HS6ST2: variants seen among roughly 807,000 people sequenced by gnomAD.
The protein encoded by HS6ST2 is heparan-sulfate 6-O-sulfotransferase 2.
HS6ST2 carries 17 observed loss-of-function variants against 33.0 expected under a neutral mutation model. The ratio of observed to expected loss-of-function variants is 0.52; its 90% CI spans 0.35 to 0.77. The LOEUF is 0.77. Among genes scored for constraint, HS6ST2 ranks in the 30% least tolerant of loss-of-function variants. The pLI is 0.01. For missense variants in HS6ST2, 519 were observed against 551.7 expected, an observed-to-expected ratio of 0.94 and a Z score of 0.59; for synonymous variants, 248 against 237.1, an observed-to-expected ratio of 1.05 and a Z score of -0.42.
chrX:132,682,438 A>G (rs958898504), intron 3 of HS6ST2, among the ~76,000 whole-genome samples: 2 of 111,808 alleles, frequency 1.8e-5, no homozygotes, highest in African/African-American at 6.5e-5. Context: ...TAGAGTTGGC[A>G]TATAAGGGAA....
upstream of HS6ST2, among the ~76,000 whole-genome samples, chrX:132,960,392 C>T (rs768018837): frequency 9.0e-6 from 1 of 110,978 alleles, no homozygotes; most frequent in Non-Finnish European, 1.9e-5. Context: ...GCCATTACAC[C>T]ACCTTTGTAT....
chrX:132,854,088 C>G (rs1186863607), intron 2 of HS6ST2, among the ~76,000 whole-genome samples: 6 of 111,279 alleles, frequency 5.4e-5, no homozygotes, highest in African/African-American at 1.6e-4. Context: ...ACCATATTCC[C>G]CATTTGGAAA....
intron 2 of HS6ST2, among the ~76,000 whole-genome samples, chrX:132,954,060 C>G (rs947187108): frequency 4.4e-5 from 5 of 112,372 alleles, no homozygotes; most frequent in Non-Finnish European, 5.6e-5. Flanking sequence ...TCATTCTCAT[C>G]TGATAAATGG....
chrX:132,811,336 T>G (rs1238907208), intron 2 of HS6ST2, among the ~76,000 whole-genome samples: 1 of 110,714 alleles, frequency 9.0e-6, no homozygotes, highest in Non-Finnish European at 1.9e-5. Context: ...CTAGAAAGTT[T>G]TTTTTTAATG....
At chrX:132,700,624 A>G (rs1038193733) in intron 3 of HS6ST2, among the ~76,000 whole-genome samples, 5 of 109,751 alleles carry the variant, frequency 4.6e-5, no homozygotes, top group Non-Finnish European at 7.6e-5. Context: ...ATGAAAAACC[A>G]TACAGAATAG....
In HS6ST2 at chrX:132,628,935, T is replaced by C. The variant is rs772058407; in HGVS notation, c.1226A>G (p.Asp409Gly). 24 of 1,209,505 alleles carry C rather than the reference T, an allele frequency of 2.0e-5. No homozygotes were observed. The Admixed American group carries it at 3.9e-4, about 20-fold the overall frequency. The change falls in exon 5 of 5, where the codon GAC becomes GGC. Residue 409 changes from aspartate to glycine, a missense_variant. Asp to Gly is a moderately conservative substitution (Grantham distance 94). Coordinates refer to ENST00000370833, the MANE Select transcript of HS6ST2 (RefSeq NM_001394073.1). Reference protein sequence around the residue: ...EELPSCYTGDDWSGCPLKEFM... With the variant: ...EELPSCYTGDGWSGCPLKEFM... Reference sequence around the variant, plus strand: ...CTCTTTGAGGGGGCAGCCAGACCAGTCATCGCCAGTGTAGCAGCTGGGCAG... The same window carrying C: ...CTCTTTGAGGGGGCAGCCAGACCAGCCATCGCCAGTGTAGCAGCTGGGCAG...
chrX:132,829,256 C>T (rs758538919), intron 2 of HS6ST2, among the ~76,000 whole-genome samples: 2 of 95,398 alleles, frequency 2.1e-5, no homozygotes, highest in East Asian at 3.1e-4. Flanking sequence ...TATGTTTATG[C>T]ATAAATTAAG....
chrX:132,892,313 TGGTCCATGG>T (rs1355781070), intron 2 of HS6ST2, among the ~76,000 whole-genome samples: 15 of 112,333 alleles, frequency 1.3e-4, no homozygotes, highest in Non-Finnish European at 2.1e-4. Context: ...ACTCAAAATG[TGGTCCATGG>T]ATCAGTAGCA....
At chrX:132,723,822 A>C (rs886269695) in intron 2 of HS6ST2, among the ~76,000 whole-genome samples, 1 of 112,169 alleles carries the variant, frequency 8.9e-6, no homozygotes, top group Non-Finnish European at 1.9e-5. Flanking sequence ...CCTAGCTAGC[A>C]TAATCAGACA....
At chrX:132,759,983 G>A (rs1356752013) in intron 2 of HS6ST2, among the ~76,000 whole-genome samples, 1 of 111,734 alleles carries the variant, frequency 8.9e-6, no homozygotes, top group Non-Finnish European at 1.9e-5. Context: ...AAGGTCACAT[G>A]GCTAATAAGT....
At chrX:132,637,746 A>C (rs1242215204) in intron 4 of HS6ST2, among the ~76,000 whole-genome samples, 1 of 78,982 alleles carries the variant, frequency 1.3e-5, no homozygotes, top group African/African-American at 4.8e-5. Flanking sequence ...TATATATAAA[A>C]AATATATATA....
intron 2 of HS6ST2, among the ~76,000 whole-genome samples, chrX:132,891,158 C>T (rs1360341711): frequency 2.2e-5 from 2 of 91,409 alleles, no homozygotes; most frequent in Non-Finnish European, 4.3e-5. Context: ...ATATGAATGA[C>T]TGTGTATATG....
At chrX:132,849,238 C>A (rs1231936109) in intron 2 of HS6ST2, among the ~76,000 whole-genome samples, 3 of 110,962 alleles carry the variant, frequency 2.7e-5, no homozygotes, top group Non-Finnish European at 5.7e-5. Flanking sequence ...ACTCTCCAGT[C>A]CCCCCAATGG....
chrX:132,855,791 C>G (rs940807327), intron 2 of HS6ST2, among the ~76,000 whole-genome samples: 3 of 111,140 alleles, frequency 2.7e-5, no homozygotes, highest in African/African-American at 9.8e-5. Context: ...TAAAATGACT[C>G]TCGCTGTTCC....
chrX:132,947,276 G>T (rs780649473), intron 2 of HS6ST2, among the ~76,000 whole-genome samples: 23 of 109,909 alleles, frequency 2.1e-4, no homozygotes, highest in Admixed American at 8.9e-4. Context: ...ATGTATATGT[G>T]TGTGTGTATA....
intron 2 of HS6ST2, among the ~76,000 whole-genome samples, chrX:132,877,713 T>C (rs769281462): frequency 9.0e-6 from 1 of 111,591 alleles, no homozygotes; most frequent in Non-Finnish European, 1.9e-5. Flanking sequence ...AACTGTGTAC[T>C]TGCTTTTCTC....
chrX:132,644,159 G>A (rs1366806197), intron 4 of HS6ST2, among the ~76,000 whole-genome samples: 1 of 107,621 alleles, frequency 9.3e-6, no homozygotes, highest in African/African-American at 3.4e-5. Context: ...GAAGGAAGAT[G>A]GGAAGGAGCG....
At chrX:132,674,998 A>C (rs1426882835) in intron 3 of HS6ST2, among the ~76,000 whole-genome samples, 1 of 111,805 alleles carries the variant, frequency 8.9e-6, no homozygotes, top group Non-Finnish European at 1.9e-5. Context: ...GGGATTGACT[A>C]TGTTTGGGGA....
At chrX:132,743,794 G>C (rs1252912387) in intron 2 of HS6ST2, among the ~76,000 whole-genome samples, 1 of 111,647 alleles carries the variant, frequency 9.0e-6, no homozygotes, top group African/African-American at 3.3e-5. Context: ...TTGAGACAAG[G>C]TCTCACTCTG....
Sources: gnomAD v4.1 joint callset for allele counts (sites outside exome capture counted in the v4.1 genomes callset) on GRCh38, gnomAD v4.1.1 for gene constraint, MANE v1.5 for transcripts, NCBI Gene and HGNC (gene_info 2026-07-23, HGNC 2026-07-21) for gene names.